CACNA1D: variants seen among roughly 807,000 people sequenced by gnomAD.
CACNA1D encodes the protein voltage-dependent L-type calcium channel subunit alpha-1D.
A neutral mutation model predicts 257.1 loss-of-function variants in CACNA1D; 55 were observed. That is an observed-to-expected ratio of 0.21 (90% CI 0.17 to 0.27). The LOEUF (loss-of-function observed/expected upper bound fraction) is 0.27. CACNA1D is among the 10% of genes least tolerant of loss of function. The pLI is 1.00. For missense variants in CACNA1D, 1,876 were observed against 2,784.0 expected, an observed-to-expected ratio of 0.67 and a Z score of 7.34; for synonymous variants, 980 against 1,014.9, an observed-to-expected ratio of 0.97 and a Z score of 0.65.
chr3:53,597,583 A>G (rs1408034414), intron 3 of CACNA1D, among the ~76,000 whole-genome samples: 3 of 152,198 alleles, frequency 2.0e-5, no homozygotes, highest in East Asian at 1.9e-4. Flanking sequence ...GACAATTGCT[A>G]TCATCCTGGG....
Position 53,691,855 on chromosome 3 carries a change from A to T in CACNA1D, c.1221-10786A>T, listed in dbSNP as rs1559522899. Among the ~76,000 whole-genome samples the T allele has an allele frequency of 4.8e-5, 5 of 104,260 alleles. No individual in the cohort carries two copies. In the South Asian group the frequency reaches 1.3e-3, roughly 26 times the overall value. The allele number at this position is 104,260 out of a possible 152,430, so 68.4% of individuals were successfully genotyped here. On this transcript the variant is annotated intron_variant, in intron 8 of 47. Coordinates refer to ENST00000350061, the MANE Select transcript of CACNA1D (RefSeq NM_001128840.3). ...AATATATATTACATATATAATATAT[A>T]ATATATATTATATATATTACATATA...
intron 3 of CACNA1D, among the ~76,000 whole-genome samples, chr3:53,619,561 C>G (rs900480086): frequency 1.3e-5 from 2 of 152,164 alleles, no homozygotes; most frequent in African/African-American, 2.4e-5. Context: ...TATTACCATC[C>G]TTACTTTAGA....
intron 3 of CACNA1D, among the ~76,000 whole-genome samples, chr3:53,632,084 C>T (rs2108124317): frequency 6.6e-6 from 1 of 152,338 alleles, no homozygotes; most frequent in South Asian, 2.1e-4. Context: ...GCTTTGAAGC[C>T]AGGCATTCCC....
intron 3 of CACNA1D, among the ~76,000 whole-genome samples, chr3:53,574,445 T>C (rs190137141): frequency 2.0e-5 from 3 of 152,338 alleles, no homozygotes; most frequent in Admixed American, 2.0e-4. Flanking sequence ...TTATTTTTAA[T>C]TCTAAAGTAA....
At chr3:53,803,683 A>T in intron 44 of CACNA1D, 111 bp downstream of exon 44, 2 of 1,029,110 alleles carry the variant, frequency 1.9e-6, no homozygotes, top group Non-Finnish European at 3.0e-6. Context: ...CCTAAAAAGC[A>T]AAATGGGAGC....
intron 3 of CACNA1D, among the ~76,000 whole-genome samples, chr3:53,630,906 C>T (rs1486086933): frequency 6.6e-6 from 1 of 152,168 alleles, no homozygotes; most frequent in Non-Finnish European, 1.5e-5. Context: ...ATACTGTAGT[C>T]TGTTAAGTGT....
At chr3:53,713,534 G>GTA (rs1336716295) in intron 9 of CACNA1D, among the ~76,000 whole-genome samples, 1 of 137,952 alleles carries the variant, frequency 7.2e-6, no homozygotes, top group African/African-American at 3.2e-5. Flanking sequence ...GTGTGTGTGT[G>GTA]TGTGTGTGTG....
At chr3:53,739,676 G>A (rs1213685751) in intron 20 of CACNA1D, among the ~76,000 whole-genome samples, 4 of 152,204 alleles carry the variant, frequency 2.6e-5, no homozygotes, top group African/African-American at 4.8e-5. Flanking sequence ...ACGGGCAGGA[G>A]TGCTGGAGAC....
chr3:53,682,381 A>AAAAAC (rs2094439353), intron 8 of CACNA1D, among the ~76,000 whole-genome samples: 1 of 146,692 alleles, frequency 6.8e-6, no homozygotes, highest in Non-Finnish European at 1.5e-5. Context: ...AAAAAAAAAA[A>AAAAAC]AAAAAAAAAA....
At chr3:53,675,182 C>T (rs2094362934) in intron 8 of CACNA1D, among the ~76,000 whole-genome samples, 1 of 152,186 alleles carries the variant, frequency 6.6e-6, no homozygotes, top group Non-Finnish European at 1.5e-5. Flanking sequence ...GGAGTGGGGG[C>T]TGAGCCTGGG....
chr3:53,732,911 T>A lies in CACNA1D; in HGVS notation c.2570T>A (p.Ile857Asn), dbSNP rs1458518744. The A allele has an allele frequency of 1.2e-6, 2 of 1,613,736 alleles. No homozygotes were observed. Among genetic ancestry groups the A allele is most frequent in the South Asian group, 2.2e-5 (2 of 91,048 alleles). The change falls in exon 19 of 48, where the codon ATT becomes AAT. Residue 857 changes from isoleucine (I) to asparagine (N), a missense_variant. Physicochemically the swap from Ile to Asn is moderately radical, Grantham distance 149. Transcript: ENST00000350061. ...RISELNMKEK[I>N]APIPEGSAFF... is the part of the protein sequence containing the mutation. ...TCGGAGTTGAACATGAAGGAAAAAA[T>A]TGCCCCCATCCCTGAAGGGAGCGCT... is the stretch of plus-strand genomic sequence containing the variant.
intron 23 of CACNA1D, 81 bp downstream of exon 23, chr3:53,744,908 C>CTGAG: frequency 1.2e-6 from 1 of 808,852 alleles, no homozygotes; most frequent in East Asian, 2.4e-5. Context: ...CAGAGCTGAG[C>CTGAG]TGAGGCCTGA....
chr3:53,575,929 A>C (rs936837933), intron 3 of CACNA1D, among the ~76,000 whole-genome samples: 1 of 152,120 alleles, frequency 6.6e-6, no homozygotes, highest in Non-Finnish European at 1.5e-5. Context: ...TTGACTGGCA[A>C]ATTTTTTTTC....
At position 53,552,863 on chromosome 3, in the gene CACNA1D, A is replaced by G. The variant is rs1019485999; in HGVS notation, c.483+51143A>G. ...GGATTTCCTTCCATCCTAAACTACA[A>G]ACTTTTTCAGGTCAGGAACTACATT... On this transcript the variant is annotated intron_variant, in intron 3 of 47. Transcript: ENST00000350061. Among the ~76,000 whole-genome samples the G allele has an allele frequency of 2.0e-5, 3 of 152,170 alleles. No homozygotes were observed. The South Asian group carries it at 6.2e-4, about 32-fold the overall frequency.
chr3:53,674,255 T>C (rs1003329104), intron 8 of CACNA1D, among the ~76,000 whole-genome samples: 2 of 152,180 alleles, frequency 1.3e-5, no homozygotes, highest in African/African-American at 4.8e-5. Flanking sequence ...CAGGGGAGTT[T>C]TAGATTTTAC....
intron 8 of CACNA1D, among the ~76,000 whole-genome samples, chr3:53,694,129 G>A (rs1400603126): frequency 6.6e-6 from 1 of 152,206 alleles, no homozygotes; most frequent in Non-Finnish European, 1.5e-5. Flanking sequence ...TGAGCCAGGG[G>A]TCCAGGAGAT....
At chr3:53,700,293 G>A (rs60764720) in intron 8 of CACNA1D, among the ~76,000 whole-genome samples, 4,491 of 151,802 alleles carry the variant, frequency 0.03, 177 homozygotes, top group African/African-American at 0.095. Context: ...TTCTAAGTTC[G>A]GAATCAAAAC....
intron 3 of CACNA1D, among the ~76,000 whole-genome samples, chr3:53,636,493 A>G (rs562988099): frequency 6.6e-6 from 1 of 152,202 alleles, no homozygotes; most frequent in East Asian, 1.9e-4. Context: ...TTTAGTAGAG[A>G]AGGGGTTTCA....
At chr3:53,766,053 C>T (rs773329940) in intron 30 of CACNA1D, 3 of 152,242 alleles carry the variant, frequency 2.0e-5, no homozygotes, top group Non-Finnish European at 4.4e-5. Context: ...TGTCTCTTCT[C>T]ATTATCATTA....
Sources: gnomAD v4.1 joint callset for allele counts (sites outside exome capture counted in the v4.1 genomes callset) on GRCh38, gnomAD v4.1.1 for gene constraint, MANE v1.5 for transcripts, NCBI Gene and HGNC (gene_info 2026-07-23, HGNC 2026-07-21) for gene names.